The following OSBP2 variants were observed in gnomAD, a reference collection of about 807,000 sequenced individuals.
OSBP2 encodes the protein oxysterol binding protein 2.
OSBP2 carries 66 observed loss-of-function variants against 96.0 expected under a neutral mutation model. The observed-to-expected ratio is 0.69, with a 90% CI of 0.56 to 0.84. OSBP2 has a LOEUF of 0.84. OSBP2 is among the 40% of genes least tolerant of loss of function. The pLI is 0.00. For missense variants in OSBP2, 1,038 were observed against 1,222.7 expected, an observed-to-expected ratio of 0.85 and a Z score of 2.25; for synonymous variants, 525 against 520.9, an observed-to-expected ratio of 1.01 and a Z score of -0.11.
chr22:30,704,386 C>T (rs1385338440), intron 1 of OSBP2, among the ~76,000 whole-genome samples: 5 of 152,232 alleles, frequency 3.3e-5, no homozygotes, highest in South Asian at 4.1e-4. Flanking sequence ...GTTGTGACAA[C>T]GCACGTGAAA....
At chr22:30,822,632 T>C in intron 2 of OSBP2, 1 of 1,532,144 alleles carries the variant, frequency 6.5e-7, no homozygotes, top group Non-Finnish European at 8.7e-7. Context: ...CCGCGGGAAA[T>C]GAAGGGACGC....
rs113105003 is a variant in OSBP2 at position 30,813,808 on chromosome 22, CT to C, written c.854-56610del. The stretch of plus-strand genomic sequence containing the variant: ...TAACTTTTCCCAGATGACTTTTTTT[CT>C]TTTTTTTTTTGAGATGGAGTTTTGC... On this transcript the variant is annotated intron_variant, in intron 2 of 13. Transcript: ENST00000332585. Among the ~76,000 whole-genome samples the C allele has an allele frequency of 4.5e-4, 66 of 145,490 alleles. 1 individual carries two copies. The highest frequency in any genetic ancestry group is 4.1e-3 in the South Asian group (19 of 4,592).
Position 30,906,449 on chromosome 22 carries a change from C to T in OSBP2, c.*110C>T, listed in dbSNP as rs1352699548. On this transcript the variant is annotated 3_prime_UTR_variant, in exon 14 of 14. Coordinates refer to ENST00000332585, the MANE Select transcript of OSBP2 (RefSeq NM_030758.4). ...TTCTCCCAGCCCATTCCCAGCCCTT[C>T]CTATTTCCTTTCCTATTTTTTTTTT... 3.8e-6 allele frequency: 5 copies of T among 1,306,242 alleles called. No homozygotes were observed. Among genetic ancestry groups the T allele is most frequent in the East Asian group, 5.3e-5 (2 of 38,030 alleles). 80.9% of individuals were successfully genotyped at this position (1,306,242 alleles called of 1,614,324 possible).
intron 2 of OSBP2, among the ~76,000 whole-genome samples, chr22:30,746,355 T>C (rs538150025): frequency 5.7e-4 from 86 of 151,952 alleles, no homozygotes; most frequent in Admixed American, 1.2e-3. Context: ...CCCCCAGAGG[T>C]TGAGGCTTCA....
chr22:30,897,219 G>T (rs2040085532), intron 12 of OSBP2, among the ~76,000 whole-genome samples: 1 of 152,222 alleles, frequency 6.6e-6, no homozygotes, highest in East Asian at 1.9e-4. Context: ...AATAGACAAA[G>T]CACATATTGA....
At chr22:30,768,723 A>T (rs749571416) in intron 2 of OSBP2, among the ~76,000 whole-genome samples, 42 of 152,052 alleles carry the variant, frequency 2.8e-4, no homozygotes, top group Admixed American at 7.2e-4. Context: ...TATTGCCATT[A>T]AGGTAGTTTA....
At chr22:30,787,084 G>A (rs144071616) in intron 2 of OSBP2, among the ~76,000 whole-genome samples, 2,608 of 152,138 alleles carry the variant, frequency 0.017, 19 homozygotes, top group Admixed American at 0.025. Context: ...AGGCGTGAGC[G>A]ACTGTGCCCG....
At chr22:30,827,542 G>A (rs1055272423) in intron 2 of OSBP2, among the ~76,000 whole-genome samples, 4 of 152,200 alleles carry the variant, frequency 2.6e-5, no homozygotes, top group Non-Finnish European at 5.9e-5. Context: ...ATCTCCTCCA[G>A]TATAAATCTG....
chr22:30,829,611 C>T lies in OSBP2; in HGVS notation c.854-40818C>T, dbSNP rs557498685. Reference sequence around the variant, plus strand: ...CTGGGATTGCAGGCGTGAGCCACCACGCCGGGCCCTTACCTCTACTTATTT... The same window carrying T: ...CTGGGATTGCAGGCGTGAGCCACCATGCCGGGCCCTTACCTCTACTTATTT... On this transcript the variant is annotated intron_variant, in intron 2 of 13. Coordinates refer to ENST00000332585, the MANE Select transcript of OSBP2 (RefSeq NM_030758.4). Among the ~76,000 whole-genome samples the T allele has an allele frequency of 6.6e-5, 10 of 152,342 alleles. No homozygotes were observed. In the South Asian group the frequency reaches 1.9e-3, roughly 28 times the overall value.
At chr22:30,744,778 A>C (rs1302482330) in intron 2 of OSBP2, among the ~76,000 whole-genome samples, 1 of 152,112 alleles carries the variant, frequency 6.6e-6, no homozygotes, top group Admixed American at 6.6e-5. Flanking sequence ...ACAAACAAAC[A>C]AACAAACAAA....
intron 2 of OSBP2, among the ~76,000 whole-genome samples, chr22:30,855,710 G>T (rs2039065717): frequency 6.6e-6 from 1 of 152,154 alleles, no homozygotes; most frequent in South Asian, 2.1e-4. Flanking sequence ...TAGGCCTGGG[G>T]CAAGGACACC....
At chr22:30,849,508 T>C (rs1172616726) in intron 2 of OSBP2, among the ~76,000 whole-genome samples, 1 of 152,202 alleles carries the variant, frequency 6.6e-6, no homozygotes, top group East Asian at 1.9e-4. Flanking sequence ...ATATTGAGCA[T>C]CTCTTCATGT....
chr22:30,730,180 C>G (rs1416760078), intron 1 of OSBP2, among the ~76,000 whole-genome samples: 1 of 152,116 alleles, frequency 6.6e-6, no homozygotes, highest in East Asian at 1.9e-4. Context: ...CCAGGCTAGT[C>G]TCAAACTCCT....
At chr22:30,766,488 T>G (rs2090271196) in intron 2 of OSBP2, among the ~76,000 whole-genome samples, 1 of 152,208 alleles carries the variant, frequency 6.6e-6, no homozygotes, top group Non-Finnish European at 1.5e-5. Context: ...GCCTCTGTGC[T>G]CTTGAAGTTT....
chr22:30,701,344 C>CTTTTTTTTTTTTTTTTTTTT (rs1228654999), intron 1 of OSBP2, among the ~76,000 whole-genome samples: 1 of 127,990 alleles, frequency 7.8e-6, no homozygotes. Flanking sequence ...TTTTTCTTTT[C>CTTTTTTTTTTTTTTTTTTTT]TTTTTTTTTT....
intron 2 of OSBP2, among the ~76,000 whole-genome samples, chr22:30,787,008 C>T (rs1233083249): frequency 2.6e-5 from 4 of 152,024 alleles, no homozygotes; most frequent in African/African-American, 4.8e-5. Context: ...CTGTGTTAGC[C>T]AGGATGGTCT....
chr22:30,844,591 A>C (rs2038830135), intron 2 of OSBP2: 1 of 152,852 alleles, frequency 6.5e-6, no homozygotes, highest in Non-Finnish European at 1.5e-5. Context: ...AACTGAAGAG[A>C]GTTAAGGGCT....
upstream of OSBP2, chr22:30,694,250 A>G (rs1439281431): frequency 3.2e-6 from 5 of 1,549,904 alleles, no homozygotes; most frequent in Non-Finnish European, 4.4e-6. Context: ...GCGCCTTGGC[A>G]TGAACCGTAG....
At chr22:30,812,719 A>C (rs547881701) in intron 2 of OSBP2, among the ~76,000 whole-genome samples, 1 of 152,356 alleles carries the variant, frequency 6.6e-6, no homozygotes, top group South Asian at 2.1e-4. Context: ...AGCCAAAAAT[A>C]ATGCATAAAT....
Sources: gnomAD v4.1 joint callset for allele counts (sites outside exome capture counted in the v4.1 genomes callset) on GRCh38, gnomAD v4.1.1 for gene constraint, MANE v1.5 for transcripts, NCBI Gene and HGNC (gene_info 2026-07-23, HGNC 2026-07-21) for gene names.